HEATR5B: variants seen among roughly 807,000 people sequenced by gnomAD.
HEATR5B encodes HEAT repeat containing 5B.
In HEATR5B, 156 loss-of-function variants were observed where a neutral mutation model predicts 224.1. The ratio of observed to expected loss-of-function variants is 0.70; its 90% confidence interval spans 0.61 to 0.80. The LOEUF (loss-of-function observed/expected upper bound fraction) is 0.80. HEATR5B is among the 30% of genes least tolerant of loss of function. The probability of loss-of-function intolerance (pLI) is 0.00; values close to 1 mark genes in which losing one functional copy is unlikely to be tolerated. For missense variants in HEATR5B, 2,323 were observed against 2,535.5 expected, an observed-to-expected ratio of 0.92 and a Z score of 1.80; for synonymous variants, 1,027 against 893.0, an observed-to-expected ratio of 1.15 and a Z score of -2.68.
chr2:37,020,869 C>A (rs769278082), intron 24 of HEATR5B, 33 bp from the exon 25 acceptor site: 4 of 1,294,528 alleles, frequency 3.1e-6, no homozygotes, highest in Non-Finnish European at 4.1e-6. Context: ...AAAATGAAAA[C>A]TTTTCCAAAA....
intron 35 of HEATR5B, among the ~76,000 whole-genome samples, chr2:36,984,404 G>A (rs1041363531): frequency 1.3e-4 from 20 of 151,320 alleles, no homozygotes; most frequent in Admixed American, 2.0e-4. Flanking sequence ...GCTAAAAAAC[G>A]TGGGTAGCAT....
chr2:36,987,594 A>G (rs1666033391), intron 35 of HEATR5B, among the ~76,000 whole-genome samples: 1 of 152,200 alleles, frequency 6.6e-6, no homozygotes, highest in African/African-American at 2.4e-5. Context: ...AAGAAAATAT[A>G]TTAAACTGCA....
intron 35 of HEATR5B, among the ~76,000 whole-genome samples, chr2:36,987,256 C>T (rs1202076550): frequency 6.6e-6 from 1 of 151,888 alleles, no homozygotes; most frequent in African/African-American, 2.4e-5. Context: ...TGGTGAAACC[C>T]CATCTCTACT....
chr2:37,083,811 C>T (rs1337671126), intron 1 of HEATR5B, among the ~76,000 whole-genome samples: 1 of 152,224 alleles, frequency 6.6e-6, no homozygotes, highest in African/African-American at 2.4e-5. Context: ...TCCTCTTTTT[C>T]TCGTCCAGGG....
In HEATR5B at chr2:37,007,280, G is replaced by A. The variant is rs1358121917; in HGVS notation, c.4547C>T (p.Thr1516Ile). Residue 1516 changes from threonine (T) to isoleucine (I), a missense_variant, in exon 29 of 36, where the codon ACT becomes ATT. Thr to Ile is a moderately conservative substitution (Grantham distance 89). Coordinates refer to ENST00000233099, the MANE Select transcript of HEATR5B (RefSeq NM_019024.3). ...ATAGTGAAGTCTAGCTGTATCAATA[G>A]TTTCAGGGGTATAAAATGCTCCACC... ...PDGGAFYTPETIDTARLHYRN... is the reference protein window; with the variant it reads ...PDGGAFYTPEIIDTARLHYRN... The A allele has an allele frequency of 1.9e-6, 3 of 1,590,134 alleles. No individual in the cohort carries two copies. The highest frequency in any genetic ancestry group is 1.7e-6 in the Non-Finnish European group (2 of 1,165,526).
At chr2:37,063,840 C>G (rs1019206535) in intron 10 of HEATR5B, among the ~76,000 whole-genome samples, 1 of 152,158 alleles carries the variant, frequency 6.6e-6, no homozygotes, top group African/African-American at 2.4e-5. Context: ...GAGACGGAGT[C>G]TTTCTCTGTC....
chr2:37,017,318 G>C (rs1389264448), intron 26 of HEATR5B, among the ~76,000 whole-genome samples: 4 of 151,824 alleles, frequency 2.6e-5, no homozygotes, highest in Admixed American at 6.6e-5. Context: ...GCTTGAACTC[G>C]GGAGGCGGAG....
At chr2:36,985,428 A>G (rs1665878188) in intron 35 of HEATR5B, among the ~76,000 whole-genome samples, 1 of 151,570 alleles carries the variant, frequency 6.6e-6, no homozygotes, top group Admixed American at 6.6e-5. Context: ...CATTAAAAAA[A>G]TGAAGAAATC....
rs1403617804 is a variant in HEATR5B at position 37,067,875 on chromosome 2, C to T, written c.1177+806G>A. Among the ~76,000 whole-genome samples the T allele has an allele frequency of 2.6e-5, 4 of 152,166 alleles. No individual in the cohort carries two copies. In the East Asian group the frequency reaches 5.8e-4, roughly 22 times the overall value. On this transcript the variant is annotated intron_variant, in intron 8 of 35. Coordinates refer to ENST00000233099, the MANE Select transcript of HEATR5B (RefSeq NM_019024.3). ...ATATTTTTTTACTAATTTCATAAAA[C>T]ATTTCATACATATATCTCTAAAAAA...
At chr2:37,019,955 G>A (rs1170082009) in intron 25 of HEATR5B, 78 bp from the exon 26 acceptor site, 2 of 986,998 alleles carry the variant, frequency 2.0e-6, no homozygotes, top group Admixed American at 4.4e-5. Flanking sequence ...CCAGGCTGGA[G>A]TGCAGTGGTG....
chr2:37,048,036 T>C (rs769247060), intron 18 of HEATR5B, among the ~76,000 whole-genome samples: 8 of 152,180 alleles, frequency 5.3e-5, no homozygotes, highest in Non-Finnish European at 1.0e-4. Context: ...AATAATTATT[T>C]CAGATCATAA....
At chr2:37,065,717 A>T in intron 9 of HEATR5B, 38 bp downstream of exon 9, 1 of 1,569,156 alleles carries the variant, frequency 6.4e-7, no homozygotes, top group Non-Finnish European at 8.7e-7. Context: ...GACTGAAAAA[A>T]GTGGAAACAC....
At chr2:37,034,072 T>A (rs929490003) in intron 21 of HEATR5B, among the ~76,000 whole-genome samples, 1 of 152,044 alleles carries the variant, frequency 6.6e-6, no homozygotes, top group African/African-American at 2.4e-5. Flanking sequence ...AGGCTATTAA[T>A]ATAGCATTTG....
intron 13 of HEATR5B, 117 bp from the exon 14 acceptor site, chr2:37,058,677 T>G: frequency 1.4e-6 from 1 of 738,602 alleles, no homozygotes; most frequent in Non-Finnish European, 2.3e-6. Context: ...CACTTTCATT[T>G]TAGCTTATGT....
At chr2:37,075,943 A>G (rs924266484) in intron 4 of HEATR5B, 1 of 168,268 alleles carries the variant, frequency 5.9e-6, no homozygotes, top group Non-Finnish European at 1.3e-5. Flanking sequence ...ATATCTCAAT[A>G]TATAAAATAT....
In HEATR5B at chr2:36,981,314, A is replaced by T. The variant is rs1451507986; in HGVS notation, c.*176T>A. 2 of 459,786 alleles carry T rather than the reference A, an allele frequency of 4.3e-6. No homozygotes were observed. The highest frequency in any genetic ancestry group is 2.0e-5 in the African/African-American group (1 of 49,518). 28.5% of individuals were successfully genotyped at this position (459,786 alleles called of 1,614,324 possible). ...ACATATTCACCACATGATAAAAAAA[A>T]TCACTCCTTAAAAATCAATAAGTGG... On this transcript the variant is annotated 3_prime_UTR_variant, in exon 36 of 36. Coordinates refer to ENST00000233099, the MANE Select transcript of HEATR5B (RefSeq NM_019024.3).
intron 24 of HEATR5B, among the ~76,000 whole-genome samples, chr2:37,021,614 C>T (rs1443287229): frequency 6.6e-6 from 1 of 152,164 alleles, no homozygotes; most frequent in Non-Finnish European, 1.5e-5. Context: ...CTAGGCAGGG[C>T]GAAGTGGCTC....
chr2:37,063,371 T>C (rs534993340), intron 10 of HEATR5B, among the ~76,000 whole-genome samples: 2 of 152,100 alleles, frequency 1.3e-5, no homozygotes, highest in Non-Finnish European at 2.9e-5. Flanking sequence ...CTAGTCTAAT[T>C]AGAGCAACAG....
intron 18 of HEATR5B, among the ~76,000 whole-genome samples, chr2:37,043,765 C>T (rs1670019536): frequency 6.6e-6 from 1 of 152,104 alleles, no homozygotes; most frequent in African/African-American, 2.4e-5. Context: ...CCTGATGGAG[C>T]TTATGTTGAG....
Sources: allele counts gnomAD v4.1 joint callset (sites outside exome capture counted in the v4.1 genomes callset), GRCh38; gene constraint gnomAD v4.1.1; transcripts MANE v1.5; gene names NCBI Gene and HGNC (gene_info 2026-07-23, HGNC 2026-07-21).